CFAP47: variants seen among roughly 807,000 people sequenced by gnomAD.
CFAP47 encodes cilia and flagella associated protein 47.
CFAP47 carries 29 observed loss-of-function variants against 148.1 expected under a neutral mutation model. That is an observed-to-expected ratio of 0.20 (90% CI 0.15 to 0.27). CFAP47 has a LOEUF of 0.27. Ranked by LOEUF, CFAP47 falls within the 10% of genes least tolerant of loss-of-function variation. The probability of loss-of-function intolerance (pLI) is 1.00; values close to 1 mark genes in which losing one functional copy is unlikely to be tolerated. For missense variants in CFAP47, 1,872 were observed against 1,697.5 expected (o/e 1.10, Z -1.81); for synonymous variants, 664 against 577.3 (o/e 1.15, Z -2.15).
chrX:36,141,251 A>G (rs1464514112), intron 35 of CFAP47, among the ~76,000 whole-genome samples: 1 of 110,567 alleles, frequency 9.0e-6, no homozygotes, highest in Non-Finnish European at 1.9e-5. Context: ...CCTCAGAATC[A>G]GGGAAGCCAA....
At chrX:35,957,347 A>C (rs759850943) in intron 8 of CFAP47, among the ~76,000 whole-genome samples, 1 of 111,370 alleles carries the variant, frequency 9.0e-6, no homozygotes, top group African/African-American at 3.3e-5. Flanking sequence ...GAGTGCTTTC[A>C]GTTTCTCCTC....
In CFAP47 at chrX:36,108,790, CT is replaced by C. The variant is rs796736969; in HGVS notation, c.5320+4114del. 4.2e-3 allele frequency among the ~76,000 whole-genome samples: 398 copies of C among 93,942 alleles called. 1 individual carries two copies. Among genetic ancestry groups the C allele is most frequent in the East Asian group, 8.3e-3 (25 of 3,026 alleles). The allele number at this position is 93,942 out of a possible 115,157, so 81.6% of individuals were successfully genotyped here. On this transcript the variant is annotated intron_variant, in intron 33 of 63. Transcript: ENST00000378653. ...TAAACTATTGATTGGCTGCTGCTTC[CT>C]TTTTTTTTTTTTTTCACTTTTATTT... is the stretch of plus-strand genomic sequence containing the variant.
chrX:36,025,083 C>A (rs989687521), intron 22 of CFAP47, among the ~76,000 whole-genome samples: 1 of 111,416 alleles, frequency 9.0e-6, no homozygotes, highest in Non-Finnish European at 1.9e-5. Flanking sequence ...GTGACCTAAA[C>A]GTCATCATAA....
At chrX:36,317,183 A>C (rs2146966175) in intron 56 of CFAP47, among the ~76,000 whole-genome samples, 1 of 111,455 alleles carries the variant, frequency 9.0e-6, no homozygotes, top group South Asian at 3.7e-4. Context: ...ACAAATATTT[A>C]TGTAATATAT....
At position 35,926,102 on chromosome X, in the gene CFAP47, A is replaced by G; in HGVS notation, c.335A>G (p.Asp112Gly). 1 of 1,205,774 alleles carries G rather than the reference A, an allele frequency of 8.3e-7. No individual in the cohort carries two copies. Among genetic ancestry groups the G allele is most frequent in the Non-Finnish European group, 1.1e-6 (1 of 890,154 alleles). ...TAMVEYHPDK[D>G]EDTFDRLLIS... is the part of the protein sequence containing the mutation. Reference sequence around the variant, plus strand: ...ATGGTGGAATATCATCCTGATAAAGACGAAGACACTTTTGACCGGCTACTT... The same window carrying G: ...ATGGTGGAATATCATCCTGATAAAGGCGAAGACACTTTTGACCGGCTACTT... The change falls in exon 2 of 64, where the codon GAC becomes GGC. Residue 112 changes from aspartate to glycine, a missense_variant. By Grantham distance (94) the Asp-to-Gly change is moderately conservative. Transcript: ENST00000378653.
Position 35,949,140 on chromosome X carries a change from AGTGT to A in CFAP47, c.656+719_656+722del, listed in dbSNP as rs201452327. Among the ~76,000 whole-genome samples the A allele has an allele frequency of 8.9e-3, 771 of 86,875 alleles. 5 individuals are homozygous for A. The highest frequency in any genetic ancestry group is 0.06 in the East Asian group (157 of 2,609). The allele number at this position is 86,875 out of a possible 115,157, so 75.4% of individuals were successfully genotyped here. A position where few individuals can be genotyped will look rare whatever the true frequency, so the allele number is the denominator to read the frequency against. On this transcript the variant is annotated intron_variant, in intron 4 of 63. Coordinates refer to ENST00000378653, the MANE Select transcript of CFAP47 (RefSeq NM_001304548.2). ...TAAAAATATCAGAATGCATCTGTGG[AGTGT>A]GTGTGTGTGTGTGTGTGTGTGTGTG...
intron 1 of CFAP47, among the ~76,000 whole-genome samples, chrX:35,924,465 A>G (rs922630664): frequency 2.8e-5 from 3 of 105,543 alleles, no homozygotes; most frequent in Non-Finnish European, 5.9e-5. Context: ...ATATAGGTGC[A>G]CCTATATGTG....
intron 57 of CFAP47, among the ~76,000 whole-genome samples, chrX:36,327,224 A>G (rs1556013229): frequency 8.9e-6 from 1 of 112,268 alleles, no homozygotes; most frequent in African/African-American, 3.2e-5. Flanking sequence ...ACATCTGACA[A>G]AGGTCTAGTA....
intron 50 of CFAP47, among the ~76,000 whole-genome samples, chrX:36,284,619 A>G (rs1941113135): frequency 9.0e-6 from 1 of 111,727 alleles, no homozygotes; most frequent in African/African-American, 3.2e-5. Context: ...CATACAATAC[A>G]GTACAATGCA....
At chrX:35,977,777 T>C (rs779054689) in intron 15 of CFAP47, among the ~76,000 whole-genome samples, 1 of 111,956 alleles carries the variant, frequency 8.9e-6, no homozygotes, top group East Asian at 2.8e-4. Flanking sequence ...CAGGGAGTGT[T>C]ATAAAAACAA....
chrX:36,330,503 T>C (rs1466156916), intron 57 of CFAP47, among the ~76,000 whole-genome samples: 1 of 111,957 alleles, frequency 8.9e-6, no homozygotes. Context: ...CCACATTCCA[T>C]TGGCCAAATT....
At chrX:36,378,273 C>T (rs1404970308) in intron 62 of CFAP47, among the ~76,000 whole-genome samples, 1 of 112,151 alleles carries the variant, frequency 8.9e-6, no homozygotes, top group East Asian at 2.8e-4. Context: ...TTAAATGTCA[C>T]TCAATTTACT....
chrX:35,924,003 A>G (rs935965031), intron 1 of CFAP47, among the ~76,000 whole-genome samples: 2 of 101,888 alleles, frequency 2.0e-5, no homozygotes, highest in Admixed American at 2.1e-4. Context: ...ATATGTGTAT[A>G]TGTGTAAATA....
chrX:36,055,661 A>G (rs1357011257), intron 26 of CFAP47, among the ~76,000 whole-genome samples: 1 of 112,367 alleles, frequency 8.9e-6, no homozygotes, highest in Admixed American at 9.4e-5. Flanking sequence ...TAACAGAATG[A>G]TTTATATTCC....
At chrX:36,286,152 AAT>A (rs1164659582) in intron 51 of CFAP47, among the ~76,000 whole-genome samples, 1 of 111,180 alleles carries the variant, frequency 9.0e-6, no homozygotes, top group Non-Finnish European at 1.9e-5. Context: ...TAATACTCGG[AAT>A]AGATTTTGTC....
intron 15 of CFAP47, among the ~76,000 whole-genome samples, chrX:35,977,636 A>G (rs1408231735): frequency 9.0e-6 from 1 of 111,280 alleles, no homozygotes; most frequent in Admixed American, 9.6e-5. Context: ...TTTAGGGTCT[A>G]AATAGAAATA....
rs1936409822 is a variant in CFAP47, at chrX:35,966,565, G to T, written c.1411G>T (p.Asp471Tyr). The change falls in exon 9 of 64, where the codon GAT becomes TAT. Residue 471 changes from aspartate (D) to tyrosine (Y), a missense_variant and splice_region_variant. Coordinates refer to ENST00000378653, the MANE Select transcript of CFAP47 (RefSeq NM_001304548.2). ...GTTACTTTTCATCTTTTTTTTTTAGGATGTGATGTGTTCATTTGTTCCACA... is the reference window on the plus strand; with the variant it reads ...GTTACTTTTCATCTTTTTTTTTTAGTATGTGATGTGTTCATTTGTTCCACA... ...KGKITGGGMV[D>Y]VMCSFVPHQL... 2 of 1,019,080 alleles carry T rather than the reference G, an allele frequency of 2.0e-6. No homozygotes were observed. Among genetic ancestry groups the T allele is most frequent in the Non-Finnish European group, 1.3e-6 (1 of 787,449 alleles). 84.0% of individuals were successfully genotyped at this position (1,019,080 alleles called of 1,213,427 possible). A position where few individuals can be genotyped will look rare whatever the true frequency, so the allele number is the denominator to read the frequency against.
At chrX:36,048,366 G>A (rs1317131658) in intron 26 of CFAP47, among the ~76,000 whole-genome samples, 1 of 111,505 alleles carries the variant, frequency 9.0e-6, no homozygotes, top group Non-Finnish European at 1.9e-5. Context: ...CTATGTTGAA[G>A]CCTTTATTTG....
chrX:36,215,596 T>C (rs1330098227), intron 45 of CFAP47, among the ~76,000 whole-genome samples: 1 of 111,068 alleles, frequency 9.0e-6, no homozygotes, highest in Non-Finnish European at 1.9e-5. Context: ...ATAAAAAAAT[T>C]GGAGGAGGCA....
Sources: allele counts gnomAD v4.1 joint callset (sites outside exome capture counted in the v4.1 genomes callset), GRCh38; gene constraint gnomAD v4.1.1; transcripts MANE v1.5; gene names NCBI Gene and HGNC (gene_info 2026-07-23, HGNC 2026-07-21).